NAP1L1: variants seen among roughly 807,000 people sequenced by gnomAD.
The protein encoded by NAP1L1 is nucleosome assembly protein 1 like 1.
In NAP1L1, 9 loss-of-function variants were observed where a neutral mutation model predicts 58.9. The ratio of observed to expected loss-of-function variants is 0.15; its 90% confidence interval spans 0.09 to 0.27. The LOEUF (loss-of-function observed/expected upper bound fraction) is 0.27, where lower values mean the gene tolerates loss of function less well. NAP1L1 is among the 10% of genes least tolerant of loss of function. The pLI is 1.00. For missense variants in NAP1L1, 302 were observed against 458.8 expected (o/e 0.66, Z 3.12); for synonymous variants, 130 against 138.3 (o/e 0.94, Z 0.42).
intron 11 of NAP1L1, among the ~76,000 whole-genome samples, chr12:76,051,105 T>C (rs1948806395): frequency 6.6e-6 from 1 of 152,066 alleles, no homozygotes; most frequent in South Asian, 2.1e-4. Flanking sequence ...TCTCACACCA[T>C]GTTAACAAAT....
intron 6 of NAP1L1, chr12:76,057,594 C>A: frequency 9.1e-7 from 1 of 1,099,680 alleles, no homozygotes; most frequent in Non-Finnish European, 1.4e-6. Flanking sequence ...ACCCAAGGAA[C>A]AGAGCCAAGT....
chr12:76,060,361 G>A, intron 4 of NAP1L1, 82 bp from the exon 5 acceptor site: 1 of 1,390,782 alleles, frequency 7.2e-7, no homozygotes, highest in Admixed American at 2.1e-5. Flanking sequence ...CTGAAGCATT[G>A]GAGTTAGTGA....
At chr12:76,064,516 A>AT (rs1949571781) in intron 4 of NAP1L1, among the ~76,000 whole-genome samples, 1 of 151,986 alleles carries the variant, frequency 6.6e-6, no homozygotes, top group Non-Finnish European at 1.5e-5. Flanking sequence ...AATTTAAAAA[A>AT]CTGGAAAGAA....
Position 76,067,419 on chromosome 12 carries a change from T to C in NAP1L1, c.158A>G (p.Gln53Arg), listed in dbSNP as rs1184192683. 6.2e-7 allele frequency: 1 copy of C among 1,610,102 alleles called. No homozygotes were observed. Among genetic ancestry groups the C allele is most frequent in the South Asian group, 1.1e-5 (1 of 90,810 alleles). Residue 53 changes from glutamine (Q) to arginine (R), a missense_variant, in exon 4 of 15, where the codon CAA (glutamine) becomes CGA (arginine). By Grantham distance (43) the Gln-to-Arg change is conservative. Transcript: ENST00000618691. ...MQNPQILAAL[Q>R]ERLDGLVETP... ...TTCTACCAGACCATCAAGTCTTTCT[T>C]GAAGGGCTGCAAGAATCTGAGGATT...
chr12:76,080,231 C>A (rs1300658359), intron 1 of NAP1L1, among the ~76,000 whole-genome samples: 1 of 152,156 alleles, frequency 6.6e-6, no homozygotes, highest in Non-Finnish European at 1.5e-5. Flanking sequence ...ATTCATTATT[C>A]ATGTTTGTGG....
At chr12:76,060,386 A>G in intron 4 of NAP1L1, 107 bp from the exon 5 acceptor site, 1 of 1,094,244 alleles carries the variant, frequency 9.1e-7, no homozygotes, top group East Asian at 2.4e-5. Flanking sequence ...CAGGTTTTTT[A>G]TCTGAAGCAA....
At position 76,037,664 on chromosome 12, in the gene NAP1L1, C is replaced by T. The variant is rs1257208993; in HGVS notation, c.*10765G>A. ...TGAGCGAGTGCCAGTCATACATCTC[C>T]TTGTCCTCGCAGCCTCCAATTTACC... is the stretch of plus-strand genomic sequence containing the variant. On this transcript the variant is annotated 3_prime_UTR_variant, in exon 15 of 15. Coordinates refer to ENST00000618691, the MANE Select transcript of NAP1L1 (RefSeq NM_004537.7). The T allele has an allele frequency of 6.6e-6, 1 of 152,250 alleles. No homozygotes were observed. The highest frequency in any genetic ancestry group is 1.5e-5 in the Non-Finnish European group (1 of 68,058). 9.4% of individuals were successfully genotyped at this position (152,250 alleles called of 1,614,324 possible).
intron 3 of NAP1L1, 154 bp from the exon 4 acceptor site, chr12:76,067,627 T>C (rs1461415510): frequency 5.6e-6 from 3 of 540,498 alleles, no homozygotes; most frequent in Non-Finnish European, 1.0e-5. Flanking sequence ...CTAAAGAGAA[T>C]ACACTAAAGG....
intron 6 of NAP1L1, 131 bp from the exon 7 acceptor site, chr12:76,056,292 C>T (rs1325206999): frequency 2.3e-6 from 2 of 881,108 alleles, no homozygotes; most frequent in East Asian, 5.5e-5. Flanking sequence ...TGTGTAAACA[C>T]CGCCGTTGCC....
chr12:76,072,295 C>T (rs1419056255), intron 2 of NAP1L1, among the ~76,000 whole-genome samples: 7 of 143,584 alleles, frequency 4.9e-5, no homozygotes, highest in Non-Finnish European at 6.0e-5. Context: ...GAAGAGGATG[C>T]TATTTAAAAA....
chr12:76,068,878 C>G (rs1221036287), intron 3 of NAP1L1, 31 bp downstream of exon 3: 1 of 1,490,856 alleles, frequency 6.7e-7, no homozygotes, highest in Non-Finnish European at 9.3e-7. Context: ...TGCCAGCAAT[C>G]ACTGGCTCCT....
chr12:76,055,249 C>A (rs1422149105), intron 7 of NAP1L1, among the ~76,000 whole-genome samples, 159 bp from the exon 8 acceptor site: 2 of 152,118 alleles, frequency 1.3e-5, no homozygotes. Context: ...ATGGCTTATA[C>A]TAAAGCTAAT....
chr12:76,052,516 T>C (rs1565717141), intron 11 of NAP1L1, among the ~76,000 whole-genome samples: 1 of 152,220 alleles, frequency 6.6e-6, no homozygotes, highest in African/African-American at 2.4e-5. Flanking sequence ...ATTCCATATA[T>C]GTACAAACTA....
At chr12:76,067,267 T>C (rs1286972687) in intron 4 of NAP1L1, 104 bp downstream of exon 4, 11 of 842,896 alleles carry the variant, frequency 1.3e-5, no homozygotes, top group African/African-American at 3.4e-5. Flanking sequence ...TAACAGACAA[T>C]AGGTTTCCAC....
rs1871046367 is a variant in NAP1L1, at chr12:76,036,698, G to C, written c.*11731C>G. 6.6e-6 allele frequency: 1 copy of C among 152,176 alleles called. No homozygotes were observed. The highest frequency in any genetic ancestry group is 6.5e-5 in the Admixed American group (1 of 15,280). 9.4% of individuals were successfully genotyped at this position (152,176 alleles called of 1,614,324 possible). ...ATGATCATTATTAAAGATTTGGATA[G>C]ACCAAAGGTCAAACATCTTTCAAGA... On this transcript the variant is annotated 3_prime_UTR_variant, in exon 15 of 15. Transcript: ENST00000618691.
chr12:76,077,254 T>G (rs571571730), intron 1 of NAP1L1, among the ~76,000 whole-genome samples: 1 of 152,350 alleles, frequency 6.6e-6, no homozygotes, highest in African/African-American at 2.4e-5. Context: ...AGGCATTTAC[T>G]CCTCCAGAGA....
Position 76,046,244 on chromosome 12 carries a change from G to A in NAP1L1, c.*2185C>T, listed in dbSNP as rs1262833348. The A allele has an allele frequency of 6.6e-6, 1 of 152,148 alleles. No individual in the cohort carries two copies. The highest frequency in any genetic ancestry group is 1.9e-4 in the East Asian group (1 of 5,194). The allele number at this position is 152,148 out of a possible 1,614,324, so 9.4% of individuals were successfully genotyped here. ...TACTTCAAATTTCTAGAATGGAATG[G>A]AATCATTTTGGAACTGGAAAAATGG... On this transcript the variant is annotated 3_prime_UTR_variant, in exon 15 of 15. Transcript: ENST00000618691.
chr12:76,073,507 T>C (rs1176557500), intron 2 of NAP1L1, among the ~76,000 whole-genome samples: 2 of 151,862 alleles, frequency 1.3e-5, no homozygotes, highest in Admixed American at 6.6e-5. Context: ...AAGTCTTTTA[T>C]AAAGCCTCAC....
At chr12:76,057,535 G>C in intron 6 of NAP1L1, 1 of 774,162 alleles carries the variant, frequency 1.3e-6, no homozygotes, top group Non-Finnish European at 2.2e-6. Flanking sequence ...CTGGGTTTGT[G>C]AAATGGCTGC....
Sources: allele counts gnomAD v4.1 joint callset (sites outside exome capture counted in the v4.1 genomes callset), GRCh38; gene constraint gnomAD v4.1.1; transcripts MANE v1.5; gene names NCBI Gene and HGNC (gene_info 2026-07-23, HGNC 2026-07-21).